The following EEF2KMT variants were observed in gnomAD, a reference collection of about 807,000 sequenced individuals.
EEF2KMT encodes protein-lysine N-methyltransferase EEF2KMT.
EEF2KMT carries 30 observed loss-of-function variants against 35.1 expected under a neutral mutation model. That is an observed-to-expected ratio of 0.85 (90% CI 0.64 to 1.16). The LOEUF is 1.16. EEF2KMT is among the 50% of genes most tolerant of loss of function. The probability of loss-of-function intolerance (pLI) is 0.00; values close to 1 mark genes in which losing one functional copy is unlikely to be tolerated. For synonymous variants in EEF2KMT, 190 were observed against 187.7 expected (o/e 1.01, Z -0.10); for missense variants, 499 against 438.2 (o/e 1.14, Z -1.24).
At chr16:5,092,165 T>G (rs887286255) in intron 3 of EEF2KMT, among the ~76,000 whole-genome samples, 1 of 151,972 alleles carries the variant, frequency 6.6e-6, no homozygotes, top group Non-Finnish European at 1.5e-5. Flanking sequence ...AAAAATTCAC[T>G]TGGTAGGGAA....
intron 2 of EEF2KMT, 98 bp from the exon 3 acceptor site, chr16:5,093,662 G>C: frequency 6.4e-7 from 1 of 1,573,616 alleles, no homozygotes; most frequent in African/African-American, 1.4e-5. Flanking sequence ...CAGGCTACCC[G>C]ATCCCTCAGC....
chr16:5,093,982 C>T (rs528766041), intron 2 of EEF2KMT, among the ~76,000 whole-genome samples: 2 of 152,350 alleles, frequency 1.3e-5, no homozygotes, highest in Admixed American at 1.3e-4. Context: ...GGACGGGACG[C>T]TCCGGGTGAC....
In EEF2KMT at chr16:5,097,730, C is replaced by T; in HGVS notation, c.10G>A (p.Glu4Lys). Residue 4 changes from glutamate (E) to lysine (K), a missense_variant, in exon 1 of 8, where the codon GAG becomes AAG. Coordinates refer to ENST00000427587, the MANE Select transcript of EEF2KMT (RefSeq NM_201400.4). ...AAGAGTTCGGTCCCCGCGTTCTCCT[C>T]GGGCGCCATGACGTGGGCGGGGCCG... Reference protein sequence around the residue: MAPEENAGTELLLQ... With the variant: MAPKENAGTELLLQ... 1.9e-6 allele frequency: 3 copies of T among 1,565,482 alleles called. No individual in the cohort carries two copies. Among genetic ancestry groups the T allele is most frequent in the Non-Finnish European group, 2.6e-6 (3 of 1,161,010 alleles).
chr16:5,089,889 G>C (rs528043041), intron 6 of EEF2KMT, among the ~76,000 whole-genome samples, 195 bp downstream of exon 6: 1 of 152,350 alleles, frequency 6.6e-6, no homozygotes, highest in East Asian at 1.9e-4. Context: ...TCTCCAAAAA[G>C]AGGGCTGTGG....
rs982648701 is a variant in EEF2KMT, at chr16:5,089,201, C to T, written c.798G>A (p.Leu266=). The T allele has an allele frequency of 1.9e-6, 3 of 1,610,514 alleles. No individual in the cohort carries two copies. The African/African-American group carries it at 4.0e-5, about 22-fold the overall frequency. Residue 266 remains leucine (L), a synonymous_variant, in exon 7 of 8, where the codon CTG becomes CTA. Coordinates refer to ENST00000427587, the MANE Select transcript of EEF2KMT (RefSeq NM_201400.4). The stretch of plus-strand genomic sequence containing the variant: ...CCCGCTGGTGCTCCCGGCAGGCAGC[C>T]AGCCTCCGCAGGACCCCGACCAGCG... ...IMSLVGVLRR[L]AACREHQRAP... is the part of the protein sequence containing the mutation.
Position 5,085,154 on chromosome 16 carries a change from C to T in EEF2KMT, c.*478G>A, listed in dbSNP as rs1957111213. The stretch of plus-strand genomic sequence containing the variant: ...AGCGTATTACTGTTCTGTGACTTCC[C>T]TGTGACCTCTGCAGAACTCCTCATC... On this transcript the variant is annotated 3_prime_UTR_variant, in exon 8 of 8. Coordinates refer to ENST00000427587, the MANE Select transcript of EEF2KMT (RefSeq NM_201400.4). 1.6e-6 allele frequency: 1 copy of T among 612,152 alleles called. No individual in the cohort carries two copies. The allele number at this position is 612,152 out of a possible 1,614,324, so 37.9% of individuals were successfully genotyped here. A position where few individuals can be genotyped will look rare whatever the true frequency, so the allele number is the denominator to read the frequency against.
At chr16:5,094,100 G>A in intron 2 of EEF2KMT, among the ~76,000 whole-genome samples, 1 of 152,224 alleles carries the variant, frequency 6.6e-6, no homozygotes, top group East Asian at 1.9e-4. Context: ...TTGGAAAGGA[G>A]GGCAGAGGGA....
intron 1 of EEF2KMT, 91 bp from the exon 2 acceptor site, chr16:5,095,605 C>A: frequency 6.3e-7 from 1 of 1,590,422 alleles, no homozygotes; most frequent in Non-Finnish European, 8.6e-7. Flanking sequence ...GCTGTGTGAT[C>A]CCTCCCTGGG....
At chr16:5,096,488 T>C (rs1040165351) in intron 1 of EEF2KMT, among the ~76,000 whole-genome samples, 2 of 152,172 alleles carry the variant, frequency 1.3e-5, no homozygotes, top group Admixed American at 1.3e-4. Flanking sequence ...CAACATGTAT[T>C]TACCATGAGC....
intron 3 of EEF2KMT, 81 bp downstream of exon 3, chr16:5,093,403 C>A (rs1957383158): frequency 5.6e-6 from 9 of 1,603,860 alleles, no homozygotes; most frequent in Non-Finnish European, 7.7e-6. Context: ...AAAGCAGGCC[C>A]AGGGCCTGGG....
In EEF2KMT at chr16:5,089,106, C is replaced by G. The variant is rs750511216; in HGVS notation, c.892+1G>C. On this transcript the variant is annotated splice_donor_variant, in intron 7 of 7. Transcript: ENST00000427587. LOFTEE classifies it high-confidence loss of function. ...AGGCCCGGGTGGGCGTGGAGGCTCA[C>G]CTAGCTCGGTGGTGAACAGCTGGCA... 4.4e-5 allele frequency: 71 copies of G among 1,612,582 alleles called. No homozygotes were observed. Among genetic ancestry groups the G allele is most frequent in the Middle Eastern group, 1.9e-4 (1 of 5,382 alleles).
At position 5,091,910 on chromosome 16, in the gene EEF2KMT, A is replaced by C; in HGVS notation, c.241-15T>G. 1 of 1,611,468 alleles carries C rather than the reference A, an allele frequency of 6.2e-7. No homozygotes were observed. The highest frequency in any genetic ancestry group is 8.5e-7 in the Non-Finnish European group (1 of 1,179,600). On this transcript the variant is annotated splice_polypyrimidine_tract_variant and intron_variant, in intron 3 of 7. Transcript: ENST00000427587. ...ACAGCCTCGTGCTGGGGGCAGACAG[A>C]GTGAGAGCTTGTTTGCTTTCGTTCT...
chr16:5,090,485 G>A lies in EEF2KMT; in HGVS notation c.423C>T (p.Ala141=), dbSNP rs570574962. ...TGGCCCATTCTGCAAGGTAGAGGGC[G>A]GCGTCCCATGTGACCAGGCCTGTGG... is the stretch of plus-strand genomic sequence containing the variant. ...YGTTGLVTWD[A]ALYLAEWAIE... Residue 141 remains alanine, a synonymous_variant, in exon 5 of 8, where the codon GCC becomes GCT. Coordinates refer to ENST00000427587, the MANE Select transcript of EEF2KMT (RefSeq NM_201400.4). The surrounding 1 kb of genome is among the most constrained non-coding windows in gnomAD (Gnocchi z 4.1). The A allele has an allele frequency of 5.0e-6, 8 of 1,612,010 alleles. No individual in the cohort carries two copies. Among genetic ancestry groups the A allele is most frequent in the South Asian group, 1.1e-5 (1 of 90,992 alleles).
rs754219488 is a variant in EEF2KMT, at chr16:5,097,675, G to A, written c.65C>T (p.Ala22Val). The A allele has an allele frequency of 3.8e-6, 6 of 1,579,042 alleles. No individual in the cohort carries two copies. Among genetic ancestry groups the A allele is most frequent in the Admixed American group, 1.8e-5 (1 of 56,082 alleles). Residue 22 changes from alanine (A) to valine (V), a missense_variant, in exon 1 of 8, where the codon GCG (alanine) becomes GTG (valine). Transcript: ENST00000427587. ...LLQSFERRFL[A>V]ARTLRSFPWQ... ...GGGGAAGGAGCGCAGTGTGCGTGCC[G>A]CCAGGAAGCGGCGCTCGAAACTCTG...
chr16:5,097,716 CCCCGCGTT>C lies in EEF2KMT; in HGVS notation c.16_23del (p.Asn6AspfsTer37). ...CGAAACTCTGCAGCAAGAGTTCGGT[CCCCGCGTT>C]CTCCTCGGGCGCCATGACGTGGGCG... On this transcript the variant is annotated frameshift_variant, in exon 1 of 8. Coordinates refer to ENST00000427587, the MANE Select transcript of EEF2KMT (RefSeq NM_201400.4). LOFTEE classifies it high-confidence loss of function. 1.3e-6 allele frequency: 2 copies of C among 1,573,592 alleles called. No individual in the cohort carries two copies. Among genetic ancestry groups the C allele is most frequent in the Non-Finnish European group, 1.7e-6 (2 of 1,164,824 alleles).
rs762981800 is a variant in EEF2KMT at position 5,089,141 on chromosome 16, G to C, written c.858C>G (p.Asn286Lys). 1 of 1,612,656 alleles carries C rather than the reference G, an allele frequency of 6.2e-7. No individual in the cohort carries two copies. Among genetic ancestry groups the C allele is most frequent in the African/African-American group, 1.3e-5 (1 of 74,914 alleles). The change falls in exon 7 of 8, where the codon AAC (asparagine) becomes AAG (lysine). Residue 286 changes from asparagine to lysine, a missense_variant. Transcript: ENST00000427587. The part of the protein sequence containing the change: ...PEVYVAFTVR[N>K]PETCQLFTTE... ...TGGTGAACAGCTGGCACGTCTCTGG[G>C]TTGCGGACGGTAAAGGCCACGTAGA... is the stretch of plus-strand genomic sequence containing the variant.
intron 7 of EEF2KMT, chr16:5,086,956 C>T (rs2142745546): frequency 6.6e-6 from 1 of 152,332 alleles, no homozygotes. Context: ...GTTGGGATTA[C>T]AGGCGTGAGA....
chr16:5,091,490 C>T (rs1312295855), intron 4 of EEF2KMT, among the ~76,000 whole-genome samples: 3 of 152,256 alleles, frequency 2.0e-5, no homozygotes, highest in Non-Finnish European at 4.4e-5. Context: ...GCTGGGATTA[C>T]AGGCGTGAGC....
At chr16:5,091,314 T>C (rs1957335701) in intron 4 of EEF2KMT, among the ~76,000 whole-genome samples, 1 of 152,200 alleles carries the variant, frequency 6.6e-6, no homozygotes, top group African/African-American at 2.4e-5. Context: ...ACTCCTGACC[T>C]CAGGTGATCC....
Sources: allele counts gnomAD v4.1 joint callset (sites outside exome capture counted in the v4.1 genomes callset), GRCh38; gene constraint gnomAD v4.1.1; non-coding constraint Gnocchi (gnomAD v3.1); transcripts MANE v1.5; gene names NCBI Gene and HGNC (gene_info 2026-07-23, HGNC 2026-07-21).